The following DCC variants were observed in gnomAD, a reference collection of about 807,000 sequenced individuals.
The protein encoded by DCC is netrin receptor DCC.
DCC carries 58 observed loss-of-function variants against 172.5 expected under a neutral mutation model. That is an observed-to-expected ratio of 0.34 (90% confidence interval 0.27 to 0.42). The LOEUF is 0.42. Among genes scored for constraint, DCC ranks in the 10% least tolerant of loss-of-function variants. The pLI is 1.00. For missense variants in DCC, 1,740 were observed against 1,791.0 expected, an observed-to-expected ratio of 0.97 and a Z score of 0.51; for synonymous variants, 709 against 644.5, an observed-to-expected ratio of 1.10 and a Z score of -1.52.
intron 7 of DCC, among the ~76,000 whole-genome samples, chr18:53,110,082 A>T (rs1001780765): frequency 2.0e-5 from 3 of 151,658 alleles, no homozygotes; most frequent in African/African-American, 7.2e-5. Flanking sequence ...CTATAATCAT[A>T]GCTTGAAGAA....
At chr18:53,526,478 G>T in intron 27 of DCC, 139 bp from the exon 28 acceptor site, 1 of 922,534 alleles carries the variant, frequency 1.1e-6, no homozygotes, top group South Asian at 1.4e-5. Context: ...CACTCATTGT[G>T]TCAGAATTCA....
intron 1 of DCC, among the ~76,000 whole-genome samples, chr18:52,479,916 G>A (rs180862709): frequency 2.6e-4 from 39 of 151,992 alleles, no homozygotes; most frequent in Non-Finnish European, 4.4e-4. Context: ...GCTATTTTTT[G>A]ATTGGTAGCA....
chr18:53,305,098 T>C (rs2057184857), intron 12 of DCC, among the ~76,000 whole-genome samples: 1 of 152,204 alleles, frequency 6.6e-6, no homozygotes, highest in Non-Finnish European at 1.5e-5. Context: ...CACTCTGCCA[T>C]GATTGTGAGG....
chr18:52,568,979 T>G lies in DCC; in HGVS notation c.92-183075T>G, dbSNP rs191824629. Among the ~76,000 whole-genome samples the G allele has an allele frequency of 2.1e-3, 321 of 152,352 alleles. 2 individuals are homozygous for G. The highest frequency in any genetic ancestry group is 3.6e-3 in the Non-Finnish European group (246 of 68,034). ...GTTTGTATATATATCTCCCATTGAT[T>G]GAGATACAGGACTAACACTTACCAT... is the stretch of plus-strand genomic sequence containing the variant. On this transcript the variant is annotated intron_variant, in intron 1 of 28. Coordinates refer to ENST00000442544, the MANE Select transcript of DCC (RefSeq NM_005215.4).
At chr18:52,739,636 G>C (rs1392713397) in intron 1 of DCC, among the ~76,000 whole-genome samples, 1 of 152,114 alleles carries the variant, frequency 6.6e-6, no homozygotes, top group Non-Finnish European at 1.5e-5. Context: ...TTGTAAAAGA[G>C]GAACCTGATG....
At chr18:52,642,879 G>A (rs2034937476) in intron 1 of DCC, among the ~76,000 whole-genome samples, 1 of 152,122 alleles carries the variant, frequency 6.6e-6, no homozygotes, top group African/African-American at 2.4e-5. Context: ...ACCCAGTCTG[G>A]TCTTGAACTC....
intron 1 of DCC, among the ~76,000 whole-genome samples, chr18:52,545,016 C>T (rs2032573060): frequency 6.6e-6 from 1 of 152,120 alleles, no homozygotes; most frequent in African/African-American, 2.4e-5. Flanking sequence ...CTTAGCAGTT[C>T]AGAGGTGTGT....
At chr18:53,436,534 C>T (rs1405162003) in intron 22 of DCC, among the ~76,000 whole-genome samples, 1 of 152,076 alleles carries the variant, frequency 6.6e-6, no homozygotes, top group Non-Finnish European at 1.5e-5. Context: ...TAATCTAATG[C>T]AGCAATTTTC....
chr18:52,714,846 T>A (rs1164249266), intron 1 of DCC, among the ~76,000 whole-genome samples: 1 of 152,214 alleles, frequency 6.6e-6, no homozygotes, highest in East Asian at 1.9e-4. Context: ...ATAAAAGATG[T>A]TGTCTTTGAT....
intron 1 of DCC, among the ~76,000 whole-genome samples, chr18:52,477,171 G>A (rs780790930): frequency 3.9e-5 from 6 of 152,114 alleles, no homozygotes; most frequent in Non-Finnish European, 7.4e-5. Flanking sequence ...GTGATGGCTT[G>A]ATTTATGTAT....
At position 53,382,069 on chromosome 18, in the gene DCC, AAC is replaced by A. The variant is rs61553123; in HGVS notation, c.2360-3939_2360-3938del. ...TTTCTCTCTCTCTCTGATTAAAAAC[AAC>A]ACACACACACACACACACACACACA... On this transcript the variant is annotated intron_variant, in intron 15 of 28. Coordinates refer to ENST00000442544, the MANE Select transcript of DCC (RefSeq NM_005215.4). Among the ~76,000 whole-genome samples, 366 of 122,900 alleles carry A rather than the reference AAC, an allele frequency of 3.0e-3. 1 individual carries two copies. The highest frequency in any genetic ancestry group is 0.016 in the South Asian group (64 of 3,912). The allele number at this position is 122,900 out of a possible 152,430, so 80.6% of individuals were successfully genotyped here.
chr18:52,526,740 G>A (rs2031993585), intron 1 of DCC, among the ~76,000 whole-genome samples: 1 of 152,046 alleles, frequency 6.6e-6, no homozygotes, highest in East Asian at 1.9e-4. Flanking sequence ...AAGGACATGG[G>A]CTTTTAATGT....
intron 21 of DCC, among the ~76,000 whole-genome samples, chr18:53,417,897 A>T (rs1910412932): frequency 6.6e-6 from 1 of 152,144 alleles, no homozygotes. Flanking sequence ...TGATTATTTT[A>T]TGAAAGGCAA....
chr18:52,769,342 T>G (rs2037303325), intron 2 of DCC, among the ~76,000 whole-genome samples: 1 of 152,212 alleles, frequency 6.6e-6, no homozygotes, highest in Admixed American at 6.5e-5. Context: ...ATAGAATATC[T>G]TTTCATATGC....
Position 52,596,504 on chromosome 18 carries a change from C to T in DCC, c.92-155550C>T, listed in dbSNP as rs553363159. 2.0e-5 allele frequency among the ~76,000 whole-genome samples: 3 copies of T among 152,222 alleles called. No individual in the cohort carries two copies. The South Asian group carries it at 6.2e-4, about 32-fold the overall frequency. ...CTGGCTAGAAATACAAATTTTAGGG[C>T]CCCACCCCACATCTACTAAATCAAG... On this transcript the variant is annotated intron_variant, in intron 1 of 28. Transcript: ENST00000442544.
At chr18:53,464,979 CAAAA>C (rs71179510) in intron 24 of DCC, among the ~76,000 whole-genome samples, 29 of 54,848 alleles carry the variant, frequency 5.3e-4, no homozygotes, top group Non-Finnish European at 9.1e-4. Flanking sequence ...AACTCAATCT[CAAAA>C]AAAAAAAAAA....
intron 1 of DCC, among the ~76,000 whole-genome samples, chr18:52,683,188 C>G (rs1256133028): frequency 6.6e-6 from 1 of 152,014 alleles, no homozygotes; most frequent in African/African-American, 2.4e-5. Context: ...GACCTCAAGC[C>G]ACTTTTCTGC....
intron 5 of DCC, among the ~76,000 whole-genome samples, chr18:53,044,106 A>C (rs1361970764): frequency 1.3e-5 from 2 of 151,938 alleles, no homozygotes; most frequent in Admixed American, 1.3e-4. Context: ...ATTACCTTTG[A>C]GAACAAGAAA....
chr18:52,459,962 A>G (rs138731742), intron 1 of DCC, among the ~76,000 whole-genome samples: 319 of 151,908 alleles, frequency 2.1e-3, no homozygotes, highest in African/African-American at 7.5e-3. Context: ...GTCTACCATT[A>G]ATGGACATTT....
Sources: allele counts gnomAD v4.1 joint callset (sites outside exome capture counted in the v4.1 genomes callset), GRCh38; gene constraint gnomAD v4.1.1; transcripts MANE v1.5; gene names NCBI Gene and HGNC (gene_info 2026-07-23, HGNC 2026-07-21).